The following DLGAP1 variants were observed in gnomAD, a reference collection of about 807,000 sequenced individuals.
DLGAP1 encodes the protein DLG associated protein 1.
A neutral mutation model predicts 90.8 loss-of-function variants in DLGAP1; 11 were observed. The ratio of observed to expected loss-of-function variants is 0.12; its 90% CI spans 0.08 to 0.20. DLGAP1 has a LOEUF of 0.20. DLGAP1 is among the 10% of genes least tolerant of loss of function. DLGAP1 has a pLI of 1.00. For synonymous variants in DLGAP1, 558 were observed against 540.7 expected, an observed-to-expected ratio of 1.03 and a Z score of -0.44; for missense variants, 1,050 against 1,333.8, an observed-to-expected ratio of 0.79 and a Z score of 3.31.
intron 3 of DLGAP1, among the ~76,000 whole-genome samples, chr18:3,930,555 G>T (rs969443902): frequency 6.6e-6 from 1 of 152,156 alleles, no homozygotes; most frequent in African/African-American, 2.4e-5. Flanking sequence ...CCGGGTCCCA[G>T]CCTGAAGGTA....
chr18:3,824,405 T>C (rs1185536462), intron 4 of DLGAP1, among the ~76,000 whole-genome samples: 1 of 152,196 alleles, frequency 6.6e-6, no homozygotes, highest in Non-Finnish European at 1.5e-5. Context: ...TCTGTTGCTA[T>C]ACACACCCAA....
At chr18:4,333,040 T>TA (rs2080984356) in intron 1 of DLGAP1, among the ~76,000 whole-genome samples, 2 of 152,098 alleles carry the variant, frequency 1.3e-5, no homozygotes, top group East Asian at 3.8e-4. Context: ...AACTGTTTCA[T>TA]AGGTGCGCTA....
intron 7 of DLGAP1, among the ~76,000 whole-genome samples, chr18:3,648,560 C>G (rs59213503): frequency 6.6e-6 from 1 of 152,172 alleles, no homozygotes; most frequent in Non-Finnish European, 1.5e-5. Flanking sequence ...CTGAAAATAT[C>G]AAGGCCATTT....
intron 1 of DLGAP1, among the ~76,000 whole-genome samples, chr18:4,196,913 C>T (rs1322995700): frequency 4.6e-5 from 7 of 151,906 alleles, no homozygotes; most frequent in African/African-American, 1.7e-4. Flanking sequence ...TGGCTCACGC[C>T]TATAATCCCA....
intron 7 of DLGAP1, among the ~76,000 whole-genome samples, chr18:3,652,163 C>CAAAAAAAAAAAAAAAAA (rs756445206): frequency 2.1e-5 from 2 of 93,414 alleles, no homozygotes; most frequent in African/African-American, 6.7e-5. Flanking sequence ...GACTCTGTAT[C>CAAAAAAAAAAAAAAAAA]AAAAAAAAAA....
chr18:4,434,849 A>G (rs2144779343), intron 1 of DLGAP1, among the ~76,000 whole-genome samples: 1 of 152,212 alleles, frequency 6.6e-6, no homozygotes, highest in East Asian at 1.9e-4. Flanking sequence ...GAAAGGAAAT[A>G]AGAGCGGGAA....
At chr18:3,864,762 C>T (rs931352082) in intron 4 of DLGAP1, among the ~76,000 whole-genome samples, 4 of 152,146 alleles carry the variant, frequency 2.6e-5, no homozygotes, top group Middle Eastern at 3.4e-3. Context: ...CTAACAGCAC[C>T]GTTTATGCAC....
intron 1 of DLGAP1, among the ~76,000 whole-genome samples, chr18:4,305,228 A>G (rs560269657): frequency 6.6e-6 from 1 of 152,014 alleles, no homozygotes; most frequent in African/African-American, 2.4e-5. Flanking sequence ...GATGACAATG[A>G]GAATGAACAA....
chr18:3,552,332 T>C (rs1005192889), intron 9 of DLGAP1, among the ~76,000 whole-genome samples: 3 of 152,238 alleles, frequency 2.0e-5, no homozygotes, highest in Non-Finnish European at 2.9e-5. Flanking sequence ...GATCCTTGTC[T>C]TCTCATTCTT....
rs1209001120 is a variant in DLGAP1 at position 3,653,218 on chromosome 18, G to C, written c.1592-70970C>G. On this transcript the variant is annotated intron_variant, in intron 7 of 12. Coordinates refer to ENST00000315677, the MANE Select transcript of DLGAP1 (RefSeq NM_004746.4). The surrounding 1 kb of genome is among the most constrained non-coding windows in gnomAD (Gnocchi z 4.6). ...CTCTTGTGGAATTCTTGCTGTGAGT[G>C]GTTTTTCCTTCCCTGCCATTGGTGC... Among the ~76,000 whole-genome samples, 1 of 152,102 alleles carries C rather than the reference G, an allele frequency of 6.6e-6. No homozygotes were observed. The highest frequency in any genetic ancestry group is 1.5e-5 in the Non-Finnish European group (1 of 68,028).
At chr18:3,614,698 A>AAAAAG (rs997103182) in intron 7 of DLGAP1, among the ~76,000 whole-genome samples, 4 of 149,410 alleles carry the variant, frequency 2.7e-5, no homozygotes, top group African/African-American at 9.8e-5. Flanking sequence ...AAAAAAAAAA[A>AAAAAG]AAAAGAGCCA....
At chr18:4,179,260 T>C (rs4798192) in intron 1 of DLGAP1, among the ~76,000 whole-genome samples, 62,083 of 151,926 alleles carry the variant, frequency 0.41, 13,218 homozygotes, top group East Asian at 0.69. Flanking sequence ...AAAGTCACCA[T>C]TGTTCATAGG....
At position 3,981,390 on chromosome 18, in the gene DLGAP1, C is replaced by T. The variant is rs996293683; in HGVS notation, c.-73+23726G>A. 3.3e-5 allele frequency among the ~76,000 whole-genome samples: 5 copies of T among 152,352 alleles called. 1 individual carries two copies. The East Asian group carries it at 5.8e-4, about 18-fold the overall frequency. On this transcript the variant is annotated intron_variant, in intron 3 of 12. Transcript: ENST00000315677. ...ACTCTTGAGGCTTCCGTCCTCATCCCGACCCATGAGGATTCAGACCTGGCG... is the reference window on the plus strand; with the variant it reads ...ACTCTTGAGGCTTCCGTCCTCATCCTGACCCATGAGGATTCAGACCTGGCG...
At chr18:4,106,653 T>C (rs1376643870) in intron 2 of DLGAP1, among the ~76,000 whole-genome samples, 1 of 152,256 alleles carries the variant, frequency 6.6e-6, no homozygotes, top group Non-Finnish European at 1.5e-5. Context: ...AGCAAGGCGC[T>C]GCCTGTCTTC....
At chr18:3,530,112 A>T (rs1407234838) in intron 10 of DLGAP1, among the ~76,000 whole-genome samples, 1 of 152,216 alleles carries the variant, frequency 6.6e-6, no homozygotes, top group East Asian at 1.9e-4. Flanking sequence ...AGTCCTGTTG[A>T]AAGCCAGCCA....
At chr18:4,276,340 A>C (rs2079413526) in intron 1 of DLGAP1, among the ~76,000 whole-genome samples, 1 of 152,086 alleles carries the variant, frequency 6.6e-6, no homozygotes. Flanking sequence ...TGGAGGTTAA[A>C]ATAAGTTAAA....
chr18:3,656,027 C>G, intron 7 of DLGAP1: 1 of 1,483,674 alleles, frequency 6.7e-7, no homozygotes, highest in East Asian at 2.5e-5. Flanking sequence ...TAGCTACAAG[C>G]CACGCTATGC....
rs200339711 is a variant in DLGAP1, at chr18:3,525,102, A to C, written c.2479+9092T>G. ...CAGTGTTCTGGGGGAAAAAAAAAAAAATCAACAACATTATTTTGTTTTTAA... is the reference window on the plus strand; with the variant it reads ...CAGTGTTCTGGGGGAAAAAAAAAAACATCAACAACATTATTTTGTTTTTAA... On this transcript the variant is annotated intron_variant, in intron 10 of 12. Coordinates refer to ENST00000315677, the MANE Select transcript of DLGAP1 (RefSeq NM_004746.4). Among the ~76,000 whole-genome samples, 1,106 of 148,970 alleles carry C rather than the reference A, an allele frequency of 7.4e-3. 39 individuals are homozygous for C. In the South Asian group the frequency reaches 0.094, roughly 13 times the overall value.
At chr18:3,731,485 G>T (rs1420704623) in intron 6 of DLGAP1, among the ~76,000 whole-genome samples, 1 of 151,416 alleles carries the variant, frequency 6.6e-6, no homozygotes, top group Admixed American at 6.6e-5. Flanking sequence ...GCAGTGGCAC[G>T]AACAAGGCTT....
Sources: gnomAD v4.1 joint callset for allele counts (sites outside exome capture counted in the v4.1 genomes callset) on GRCh38, gnomAD v4.1.1 for gene constraint, Gnocchi (gnomAD v3.1) non-coding constraint, MANE v1.5 for transcripts, NCBI Gene and HGNC (gene_info 2026-07-23, HGNC 2026-07-21) for gene names.